The following FAM53A variants were observed in gnomAD, a reference collection of about 807,000 sequenced individuals.
FAM53A encodes the protein family with sequence similarity 53 member A, also known as protein FAM53A.
Under a neutral mutation model 26.6 loss-of-function variants are expected in FAM53A, and 28 were observed. That is an observed-to-expected ratio of 1.05 (90% CI 0.78 to 1.45). The LOEUF is 1.45. Ranked by LOEUF, FAM53A falls within the 40% of genes most tolerant of loss-of-function variation. FAM53A has a pLI of 0.00. For synonymous variants in FAM53A, 290 were observed against 253.1 expected, an observed-to-expected ratio of 1.15 and a Z score of -1.38; for missense variants, 650 against 575.8, an observed-to-expected ratio of 1.13 and a Z score of -1.32.
At chr4:1,604,659 G>A in the FAM53A span, among the ~76,000 whole-genome samples, 2 of 152,126 alleles carry the variant, frequency 1.3e-5, no homozygotes, top group African/African-American at 4.8e-5. Context: ...GGACTGCACT[G>A]CCCACTTCCT....
At chr4:1,664,208 T>A (rs968803864) in intron 2 of FAM53A, among the ~76,000 whole-genome samples, 1 of 152,254 alleles carries the variant, frequency 6.6e-6, no homozygotes, top group Non-Finnish European at 1.5e-5. Flanking sequence ...TCTGGTCATG[T>A]GTCTTAAAGT....
the FAM53A span, among the ~76,000 whole-genome samples, chr4:1,578,173 G>A: frequency 2.0e-5 from 3 of 152,316 alleles, no homozygotes; most frequent in East Asian, 5.8e-4. Context: ...CCCCAGACCG[G>A]CACGATGTCC....
At chr4:1,612,608 C>G in the FAM53A span, among the ~76,000 whole-genome samples, 1 of 152,198 alleles carries the variant, frequency 6.6e-6, no homozygotes, top group Non-Finnish European at 1.5e-5. Flanking sequence ...ATAAATGATA[C>G]CTGCACAGAT....
chr4:1,617,013 T>C (rs940342673), downstream of FAM53A, among the ~76,000 whole-genome samples: 2 of 151,262 alleles, frequency 1.3e-5, no homozygotes, highest in Non-Finnish European at 2.9e-5. Flanking sequence ...GGTACGTGTC[T>C]GTTGTCCCAA....
chr4:1,611,921 T>C, the FAM53A span, among the ~76,000 whole-genome samples: 3 of 152,224 alleles, frequency 2.0e-5, no homozygotes, highest in Non-Finnish European at 2.9e-5. Context: ...GGTGGTTTTA[T>C]AGGAGCCATT....
At chr4:1,609,649 A>C in the FAM53A span, among the ~76,000 whole-genome samples, 1 of 152,044 alleles carries the variant, frequency 6.6e-6, no homozygotes, top group African/African-American at 2.4e-5. Flanking sequence ...TCCTCAGTAC[A>C]TGGAACTGTG....
intron 4 of FAM53A, among the ~76,000 whole-genome samples, chr4:1,643,240 G>T (rs1199060088): frequency 6.6e-6 from 1 of 152,162 alleles, no homozygotes; most frequent in Non-Finnish European, 1.5e-5. Context: ...GCCGGGGCGG[G>T]CGGATCACGA....
At chr4:1,613,746 G>A (rs376385911), downstream of FAM53A, among the ~76,000 whole-genome samples, 2 of 152,180 alleles carry the variant, frequency 1.3e-5, no homozygotes, top group Admixed American at 6.5e-5. Context: ...GTTCCATCAG[G>A]AGCCACAGGA....
At chr4:1,639,330 TA>T (rs1445464266), downstream of FAM53A, among the ~76,000 whole-genome samples, 6 of 152,166 alleles carry the variant, frequency 3.9e-5, no homozygotes, top group Non-Finnish European at 4.4e-5. Context: ...TGGCTTTTGC[TA>T]AACCACCCGG....
At chr4:1,677,818 G>A (rs368577821) in intron 1 of FAM53A, among the ~76,000 whole-genome samples, 36 of 152,238 alleles carry the variant, frequency 2.4e-4, no homozygotes, top group East Asian at 1.4e-3. Flanking sequence ...GGTAGCAGGC[G>A]CCTATAATCC....
At chr4:1,577,908 G>C in the FAM53A span, among the ~76,000 whole-genome samples, 6 of 152,022 alleles carry the variant, frequency 3.9e-5, no homozygotes, top group Non-Finnish European at 5.9e-5. Flanking sequence ...GCTGCGGGTC[G>C]GGGGCTGCAG....
At chr4:1,646,050 C>T (rs1712211523) in intron 4 of FAM53A, among the ~76,000 whole-genome samples, 1 of 152,068 alleles carries the variant, frequency 6.6e-6, no homozygotes, top group Non-Finnish European at 1.5e-5. Flanking sequence ...GGCAGGCTCT[C>T]ACCATACACC....
chr4:1,601,304 C>T, the FAM53A span, among the ~76,000 whole-genome samples: 2 of 54,574 alleles, frequency 3.7e-5, 1 homozygote, highest in African/African-American at 9.7e-5. Flanking sequence ...GGGGGCCCCC[C>T]GTACAGTGGG....
chr4:1,623,663 G>A (rs1286678013), intron 1 of FAM53A, among the ~76,000 whole-genome samples: 1 of 152,254 alleles, frequency 6.6e-6, no homozygotes, highest in Non-Finnish European at 1.5e-5. Flanking sequence ...CAGCTCATCT[G>A]AATTCAAATT....
chr4:1,595,302 C>T, the FAM53A span, among the ~76,000 whole-genome samples: 10 of 152,370 alleles, frequency 6.6e-5, no homozygotes, highest in East Asian at 1.9e-3. Context: ...TGTACAGACG[C>T]TGCCATGGTC....
chr4:1,642,384 G>A (rs1438603143), intron 4 of FAM53A, among the ~76,000 whole-genome samples: 1 of 152,008 alleles, frequency 6.6e-6, no homozygotes, highest in African/African-American at 2.4e-5. Context: ...GCCAGGCTCC[G>A]GCCCTCCCTC....
At chr4:1,664,370 C>T (rs1465793179) in intron 2 of FAM53A, among the ~76,000 whole-genome samples, 1 of 152,060 alleles carries the variant, frequency 6.6e-6, no homozygotes, top group Non-Finnish European at 1.5e-5. Flanking sequence ...TCACTGAGGC[C>T]GGGCCATGGG....
the FAM53A span, among the ~76,000 whole-genome samples, chr4:1,586,077 T>C: frequency 1.7e-4 from 26 of 152,226 alleles, no homozygotes; most frequent in African/African-American, 6.3e-4. Flanking sequence ...ATTGTGTATA[T>C]AGACCACATT....
chr4:1,578,877 G>GGGGGAGGGGAGAGAAGA, the FAM53A span, among the ~76,000 whole-genome samples: 23 of 55,418 alleles, frequency 4.2e-4, no homozygotes, highest in African/African-American at 9.4e-4. Flanking sequence ...GGAGAGAAGA[G>GGGGGAGGGGAGAGAAGA]GGGGAGGGGA....
Sources: gnomAD v4.1 joint callset for allele counts (sites outside exome capture counted in the v4.1 genomes callset) on GRCh38, gnomAD v4.1.1 for gene constraint, MANE v1.5 for transcripts, NCBI Gene and HGNC (gene_info 2026-07-23, HGNC 2026-07-21) for gene names.